Variants in LRP1B observed in about 807,000 individuals in gnomAD.
LRP1B encodes the protein LDL receptor related protein 1B.
LRP1B carries 217 observed loss-of-function variants against 556.6 expected under a neutral mutation model. That is an observed-to-expected ratio of 0.39 (90% CI 0.35 to 0.44). The LOEUF is 0.44. Ranked by LOEUF, LRP1B falls within the 20% of genes least tolerant of loss-of-function variation. The pLI is 1.00. For missense variants in LRP1B, 5,053 were observed against 5,620.8 expected, an observed-to-expected ratio of 0.90 and a Z score of 3.23; for synonymous variants, 2,047 against 1,865.8, an observed-to-expected ratio of 1.10 and a Z score of -2.50.
intron 31 of LRP1B, among the ~76,000 whole-genome samples, chr2:140,815,329 T>G (rs576450086): frequency 6.6e-6 from 1 of 151,890 alleles, no homozygotes; most frequent in Admixed American, 6.6e-5. Flanking sequence ...TTCCTGAGAG[T>G]TGGGGTCTCA....
At chr2:141,088,679 T>G (rs1192045221) in intron 7 of LRP1B, among the ~76,000 whole-genome samples, 1 of 152,174 alleles carries the variant, frequency 6.6e-6, no homozygotes, top group Non-Finnish European at 1.5e-5. Context: ...TGGAAAACAC[T>G]ATAATAGGTG....
At chr2:141,914,933 A>G (rs1273014717) in intron 1 of LRP1B, among the ~76,000 whole-genome samples, 1 of 152,216 alleles carries the variant, frequency 6.6e-6, no homozygotes, top group Admixed American at 6.5e-5. Context: ...TACCCAAAGT[A>G]TCTATAGATT....
chr2:141,297,878 G>A (rs1373731293), intron 3 of LRP1B, among the ~76,000 whole-genome samples: 1 of 152,060 alleles, frequency 6.6e-6, no homozygotes, highest in Non-Finnish European at 1.5e-5. Flanking sequence ...ATAATATGCT[G>A]TATAGGTTTG....
intron 40 of LRP1B, among the ~76,000 whole-genome samples, chr2:140,700,904 T>A (rs1430445041): frequency 1.3e-5 from 2 of 152,116 alleles, no homozygotes; most frequent in Non-Finnish European, 2.9e-5. Context: ...TATATAAATC[T>A]TTTTTGAAAC....
At chr2:141,276,660 T>TTC (rs1280376918) in intron 3 of LRP1B, among the ~76,000 whole-genome samples, 3 of 32,558 alleles carry the variant, frequency 9.2e-5, no homozygotes, top group Non-Finnish European at 1.5e-4. Context: ...CTTTCTTTCT[T>TTC]TTTTTTTTTT....
chr2:140,774,969 T>G (rs542902395), intron 33 of LRP1B, among the ~76,000 whole-genome samples: 1 of 152,310 alleles, frequency 6.6e-6, no homozygotes, highest in Admixed American at 6.5e-5. Context: ...ACATACGTTC[T>G]GTATATGTGA....
intron 89 of LRP1B, among the ~76,000 whole-genome samples, chr2:140,235,202 T>C (rs112359555): frequency 4.6e-5 from 7 of 151,160 alleles, no homozygotes; most frequent in Non-Finnish European, 1.0e-4. Flanking sequence ...TACATATTTA[T>C]CTCTTTTAAA....
intron 2 of LRP1B, among the ~76,000 whole-genome samples, chr2:141,603,793 A>G (rs1041983456): frequency 6.6e-6 from 1 of 152,180 alleles, no homozygotes; most frequent in African/African-American, 2.4e-5. Context: ...TCTTCTCTCA[A>G]AACTCATCTA....
chr2:140,505,181 A>C (rs1250514334), intron 53 of LRP1B, among the ~76,000 whole-genome samples: 1 of 152,218 alleles, frequency 6.6e-6, no homozygotes, highest in East Asian at 1.9e-4. Context: ...ATATAAATTC[A>C]TTTAATTCTC....
intron 41 of LRP1B, among the ~76,000 whole-genome samples, chr2:140,616,499 T>TTA (rs1243164810): frequency 6.6e-6 from 1 of 151,100 alleles, no homozygotes; most frequent in African/African-American, 2.4e-5. Flanking sequence ...TTTTTTTTTT[T>TTA]ACTCCAAAGC....
intron 43 of LRP1B, among the ~76,000 whole-genome samples, chr2:140,571,347 A>G (rs1681314642): frequency 6.6e-6 from 1 of 151,898 alleles, no homozygotes; most frequent in Non-Finnish European, 1.5e-5. Context: ...AAAAAATGGT[A>G]ACATTTCTAT....
intron 49 of LRP1B, among the ~76,000 whole-genome samples, chr2:140,523,648 G>C (rs1414596758): frequency 6.6e-6 from 1 of 151,640 alleles, no homozygotes; most frequent in Non-Finnish European, 1.5e-5. Flanking sequence ...TGCAAAAAAG[G>C]CCCCTAGATC....
intron 66 of LRP1B, among the ~76,000 whole-genome samples, chr2:140,432,938 T>C (rs747540472): frequency 6.6e-6 from 1 of 152,168 alleles, no homozygotes; most frequent in Non-Finnish European, 1.5e-5. Flanking sequence ...GATTCTACAC[T>C]TGATTTAAAA....
intron 3 of LRP1B, among the ~76,000 whole-genome samples, chr2:141,388,590 G>T (rs1004338537): frequency 2.0e-5 from 3 of 152,054 alleles, no homozygotes; most frequent in South Asian, 2.1e-4. Flanking sequence ...TTCACCCTAA[G>T]ATCAGGATAA....
chr2:141,484,825 CTT>C (rs2105099035), intron 2 of LRP1B, among the ~76,000 whole-genome samples: 1 of 152,156 alleles, frequency 6.6e-6, no homozygotes, highest in East Asian at 1.9e-4. Context: ...TATCCTGAGA[CTT>C]TGCTGAAGTT....
intron 20 of LRP1B, among the ~76,000 whole-genome samples, chr2:140,929,835 A>T (rs1001780353): frequency 2.7e-5 from 4 of 150,870 alleles, no homozygotes; most frequent in African/African-American, 9.7e-5. Flanking sequence ...CCTTACTATA[A>T]ATTAAAAATA....
intron 1 of LRP1B, among the ~76,000 whole-genome samples, chr2:141,911,567 T>A (rs1480260901): frequency 1.3e-5 from 2 of 152,166 alleles, no homozygotes; most frequent in African/African-American, 4.8e-5. Flanking sequence ...TCCTTCTGTC[T>A]TTTCAAGAAA....
intron 2 of LRP1B, among the ~76,000 whole-genome samples, chr2:141,525,859 A>G (rs1042915430): frequency 6.6e-6 from 1 of 152,092 alleles, no homozygotes; most frequent in African/African-American, 2.4e-5. Context: ...TCATATAAGT[A>G]TAATTATCAC....
chr2:140,997,722 C>A (rs529677428), intron 15 of LRP1B, among the ~76,000 whole-genome samples: 2 of 151,994 alleles, frequency 1.3e-5, no homozygotes, highest in Non-Finnish European at 2.9e-5. Flanking sequence ...TTTTGGGCAT[C>A]CAGATTCTCT....
Sources: allele counts gnomAD v4.1 joint callset (sites outside exome capture counted in the v4.1 genomes callset), GRCh38; gene constraint gnomAD v4.1.1; transcripts MANE v1.5; gene names NCBI Gene and HGNC (gene_info 2026-07-23, HGNC 2026-07-21).